ANK3: variants seen among roughly 807,000 people sequenced by gnomAD.
ANK3 encodes the protein ankyrin-3.
A neutral mutation model predicts 370.9 loss-of-function variants in ANK3; 57 were observed. That is an observed-to-expected ratio of 0.15 (90% CI 0.12 to 0.19). The LOEUF is 0.19. Among genes scored for constraint, ANK3 ranks in the 10% least tolerant of loss-of-function variants. ANK3 has a pLI of 1.00. For synonymous variants in ANK3, 1,929 were observed against 1,946.3 expected, an observed-to-expected ratio of 0.99 and a Z score of 0.23; for missense variants, 4,439 against 5,302.1, an observed-to-expected ratio of 0.84 and a Z score of 5.06.
intron 1 of ANK3, among the ~76,000 whole-genome samples, chr10:60,657,343 T>C (rs878868114): frequency 6.6e-6 from 1 of 151,906 alleles, no homozygotes; most frequent in Non-Finnish European, 1.5e-5. Flanking sequence ...GGAGACAAGG[T>C]CTTGTTCTGT....
chr10:60,240,203 CAT>C (rs546091972), intron 7 of ANK3, among the ~76,000 whole-genome samples: 326 of 135,156 alleles, frequency 2.4e-3, no homozygotes, highest in African/African-American at 8.0e-3. Context: ...TACACACACA[CAT>C]ATATATACAC....
chr10:60,111,105 C>T (rs967480586), intron 26 of ANK3, among the ~76,000 whole-genome samples: 1 of 152,126 alleles, frequency 6.6e-6, no homozygotes, highest in African/African-American at 2.4e-5. Context: ...GTTACTAATA[C>T]TAATGGATTG....
intron 24 of ANK3, 68 bp from the exon 25 acceptor site, chr10:60,134,441 G>T: frequency 8.2e-7 from 1 of 1,225,938 alleles, no homozygotes. Flanking sequence ...AAAAATTAAT[G>T]CATGCAACTT....
At chr10:60,057,054 T>C (rs1044619615) in intron 41 of ANK3, among the ~76,000 whole-genome samples, 7 of 152,174 alleles carry the variant, frequency 4.6e-5, no homozygotes, top group Admixed American at 2.6e-4. Flanking sequence ...GACTGTGGTA[T>C]TCCCCCAAGT....
chr10:60,082,520 C>T lies in ANK3; in HGVS notation c.4323+95G>A, dbSNP rs912173383. Reference sequence around the variant, plus strand: ...ACTAATACAACTTCAGTTTCAAGAGCTTTATTCATGTTACAAAGCATTCCT... The same window carrying T: ...ACTAATACAACTTCAGTTTCAAGAGTTTTATTCATGTTACAAAGCATTCCT... On this transcript the variant is annotated intron_variant, in intron 34 of 43. Transcript: ENST00000280772. The T allele has an allele frequency of 4.0e-6, 6 of 1,495,464 alleles. No homozygotes were observed. The Admixed American group carries it at 1.3e-4, about 32-fold the overall frequency. The allele number at this position is 1,495,464 out of a possible 1,614,324, so 92.6% of individuals were successfully genotyped here.
intron 5 of ANK3, among the ~76,000 whole-genome samples, chr10:60,265,949 C>T (rs1009125542): frequency 6.6e-6 from 1 of 152,138 alleles, no homozygotes; most frequent in African/African-American, 2.4e-5. Flanking sequence ...TGCTATTTCC[C>T]CCACCCTGAA....
intron 2 of ANK3, among the ~76,000 whole-genome samples, chr10:60,495,362 G>A (rs1181061688): frequency 6.6e-6 from 1 of 152,066 alleles, no homozygotes; most frequent in Admixed American, 6.6e-5. Flanking sequence ...CAGATTCCTG[G>A]GCTACACCTA....
At chr10:60,587,218 C>T (rs1291724639) in intron 2 of ANK3, among the ~76,000 whole-genome samples, 1 of 152,142 alleles carries the variant, frequency 6.6e-6, no homozygotes, top group African/African-American at 2.4e-5. Context: ...ATGGGGGAAA[C>T]TGCCCCCATG....
At chr10:60,261,468 C>G (rs2097803367) in intron 7 of ANK3, among the ~76,000 whole-genome samples, 3 of 152,202 alleles carry the variant, frequency 2.0e-5, no homozygotes, top group Non-Finnish European at 4.4e-5. Flanking sequence ...CCCAGGTATT[C>G]CAGAACATTC....
In ANK3 at chr10:60,205,488, G is replaced by A. The variant is rs536084713; in HGVS notation, c.1293+304C>T. On this transcript the variant is annotated intron_variant, in intron 11 of 43. Coordinates refer to ENST00000280772, the MANE Select transcript of ANK3 (RefSeq NM_020987.5). ...TTGGGGGACAAAACTGCACCCACTA[G>A]AGAAGTACTACAGTATAGGATTTGA... 2.2e-4 allele frequency among the ~76,000 whole-genome samples: 33 copies of A among 152,288 alleles called. 1 individual carries two copies. Among genetic ancestry groups the A allele is most frequent in the African/African-American group, 7.7e-4 (32 of 41,570 alleles).
intron 2 of ANK3, among the ~76,000 whole-genome samples, chr10:60,515,145 T>G (rs2076187197): frequency 1.3e-5 from 2 of 152,164 alleles, no homozygotes; most frequent in African/African-American, 4.8e-5. Context: ...TGTGTTATAT[T>G]AGACATTTTG....
intron 2 of ANK3, chr10:60,507,682 C>A (rs1198488318): frequency 6.6e-6 from 1 of 151,700 alleles, no homozygotes; most frequent in Non-Finnish European, 1.5e-5. Flanking sequence ...AAAGAAATAG[C>A]CAACTAGTAA....
intron 2 of ANK3, among the ~76,000 whole-genome samples, chr10:60,465,975 G>A (rs536903456): frequency 6.6e-6 from 1 of 152,080 alleles, no homozygotes; most frequent in East Asian, 1.9e-4. Context: ...GAGGCATTAA[G>A]TAACAATTCA....
At chr10:60,506,041 C>A (rs927877849) in intron 2 of ANK3, among the ~76,000 whole-genome samples, 1 of 151,942 alleles carries the variant, frequency 6.6e-6, no homozygotes, top group African/African-American at 2.4e-5. Context: ...ACCCCCCAAA[C>A]CTATTTTCTC....
rs921848330 is a variant in ANK3, at chr10:60,344,189, C to T, written c.114+45236G>A. Among the ~76,000 whole-genome samples the T allele has an allele frequency of 3.5e-4, 54 of 152,230 alleles. 1 individual carries two copies. The highest frequency in any genetic ancestry group is 3.5e-3 in the Admixed American group (54 of 15,280). On this transcript the variant is annotated intron_variant, in intron 1 of 43. Coordinates refer to ENST00000280772, the MANE Select transcript of ANK3 (RefSeq NM_020987.5). ...CAAATGAAAAGAGAACACTGAAAAT[C>T]ACCTGTGAACTAATTTCAGGCCATC...
rs200893472 is a variant in ANK3, at chr10:60,477,885, G to A, written c.96+137301C>T. On this transcript the variant is annotated intron_variant, in intron 2 of 43. Coordinates refer to the ANK3 transcript ENST00000373827. ...GAAAGAGGTTGCAAATGAACAGATTGAAACATTTTTATGTAATCTATTAAT... is the reference window on the plus strand; with the variant it reads ...GAAAGAGGTTGCAAATGAACAGATTAAAACATTTTTATGTAATCTATTAAT... Among the ~76,000 whole-genome samples, 9 of 152,140 alleles carry A rather than the reference G, an allele frequency of 5.9e-5. No individual in the cohort carries two copies. In the East Asian group the frequency reaches 1.5e-3, roughly 26 times the overall value.
At chr10:60,253,495 A>T (rs1421382771) in intron 7 of ANK3, among the ~76,000 whole-genome samples, 1 of 152,236 alleles carries the variant, frequency 6.6e-6, no homozygotes, top group African/African-American at 2.4e-5. Flanking sequence ...TAAAAAATGT[A>T]TGTAAGAGAT....
At chr10:60,670,814 C>CA (rs753456473) in intron 1 of ANK3, among the ~76,000 whole-genome samples, 16 of 152,170 alleles carry the variant, frequency 1.1e-4, no homozygotes, top group Non-Finnish European at 2.1e-4. Flanking sequence ...CAATTGACTC[C>CA]AAGTGGGAGT....
At chr10:60,263,464 T>C (rs910817668) in intron 6 of ANK3, among the ~76,000 whole-genome samples, 2 of 152,226 alleles carry the variant, frequency 1.3e-5, no homozygotes, top group African/African-American at 4.8e-5. Flanking sequence ...TCATCTTGGG[T>C]ATCAACCAGA....
Sources: gnomAD v4.1 joint callset for allele counts (sites outside exome capture counted in the v4.1 genomes callset) on GRCh38, gnomAD v4.1.1 for gene constraint, MANE v1.5 for transcripts, NCBI Gene and HGNC (gene_info 2026-07-23, HGNC 2026-07-21) for gene names.